The following NANOS3 variants were observed in gnomAD, a reference collection of about 807,000 sequenced individuals.
NANOS3 encodes nanos homolog 3.
Under a neutral mutation model 13.8 loss-of-function variants are expected in NANOS3, and 11 were observed. That is an observed-to-expected ratio of 0.80 (90% confidence interval 0.50 to 1.32). The LOEUF is 1.32. Ranked by LOEUF, NANOS3 falls within the 40% of genes most tolerant of loss-of-function variation. The pLI is 0.00. For synonymous variants in NANOS3, 119 were observed against 115.4 expected (o/e 1.03, Z -0.20); for missense variants, 221 against 263.8 (o/e 0.84, Z 1.12).
At chr19:13,873,176 G>T (rs886118558), upstream of NANOS3, among the ~76,000 whole-genome samples, 1 of 152,088 alleles carries the variant, frequency 6.6e-6, no homozygotes, top group African/African-American at 2.4e-5. Flanking sequence ...GGGTTTTAGA[G>T]GGAGTGTGTT....
At chr19:13,865,845 C>T (rs528983512) in intron 1 of NANOS3, among the ~76,000 whole-genome samples, 1,928 of 99,268 alleles carry the variant, frequency 0.019, 43 homozygotes, top group African/African-American at 0.067. Flanking sequence ...GGCCACGGGC[C>T]GGGGCGGCGG....
upstream of NANOS3, among the ~76,000 whole-genome samples, chr19:13,863,768 G>A (rs1389244551): frequency 6.6e-6 from 1 of 152,118 alleles, no homozygotes; most frequent in East Asian, 1.9e-4. Flanking sequence ...TCGGGGGAGT[G>A]GTCCTGGAGA....
upstream of NANOS3, among the ~76,000 whole-genome samples, chr19:13,873,307 G>C (rs1031392405): frequency 6.7e-6 from 1 of 150,100 alleles, no homozygotes; most frequent in Admixed American, 6.6e-5. Flanking sequence ...GCGCGTCCTC[G>C]GGGGCTCGGC....
At chr19:13,871,724 C>T (rs1203534213) in intron 1 of NANOS3, among the ~76,000 whole-genome samples, 2 of 152,318 alleles carry the variant, frequency 1.3e-5, no homozygotes, top group South Asian at 4.1e-4. Context: ...AAGAAAGATT[C>T]CTGTGGGACG....
intron 1 of NANOS3, among the ~76,000 whole-genome samples, chr19:13,866,502 A>C (rs1293013071): frequency 6.6e-6 from 1 of 152,192 alleles, no homozygotes; most frequent in Non-Finnish European, 1.5e-5. Context: ...ACGCAGTCGA[A>C]AGTGATGCTG....
chr19:13,862,695 C>CGCGT (rs1976176476), upstream of NANOS3, among the ~76,000 whole-genome samples: 1 of 152,138 alleles, frequency 6.6e-6, no homozygotes, highest in Non-Finnish European at 1.5e-5. Context: ...CGTGCCACCA[C>CGCGT]GCCCGGCTAA....
At chr19:13,867,255 A>T (rs969861350) in intron 1 of NANOS3, among the ~76,000 whole-genome samples, 1 of 151,380 alleles carries the variant, frequency 6.6e-6, no homozygotes, top group African/African-American at 2.4e-5. Flanking sequence ...TTTCCTTTTT[A>T]TTTTTTTGAG....
upstream of NANOS3, chr19:13,865,399 G>C (rs1396444804): frequency 6.8e-6 from 1 of 147,224 alleles, no homozygotes; most frequent in African/African-American, 2.4e-5. Flanking sequence ...GCGGGTTTTG[G>C]AAAGAAGAGG....
chr19:13,874,827 C>T (rs1349257334), upstream of NANOS3: 2 of 530,534 alleles, frequency 3.8e-6, no homozygotes, highest in Admixed American at 1.9e-5. Context: ...TGACTCTGAC[C>T]TTCCAGATCT....
chr19:13,877,351 G>A lies in NANOS3; in HGVS notation c.103G>A (p.Glu35Lys). The A allele has an allele frequency of 6.2e-7, 1 of 1,612,582 alleles. No homozygotes were observed. The highest frequency in any genetic ancestry group is 1.7e-5 in the Admixed American group (1 of 60,026). The change falls in exon 1 of 2, where the codon GAG becomes AAG. Residue 35 changes from glutamate to lysine, a missense_variant. Glu to Lys is a moderately conservative substitution (Grantham distance 56). Coordinates refer to ENST00000339133, the MANE Select transcript of NANOS3 (RefSeq NM_001098622.3). Reference protein sequence around the residue: ...GPETRLSPQPEPEPMLEPVSA... With the variant: ...GPETRLSPQPKPEPMLEPVSA... Reference sequence around the variant, plus strand: ...TGAAACCAGGCTGAGCCCCCAGCCAGAGCCAGAGCCAATGCTGGAGCCGGT... The same window carrying A: ...TGAAACCAGGCTGAGCCCCCAGCCAAAGCCAGAGCCAATGCTGGAGCCGGT...
At position 13,877,686 on chromosome 19, in the gene NANOS3, G is replaced by C. The variant is rs76006648; in HGVS notation, c.438G>C (p.Ser146=). The C allele has an allele frequency of 1.2e-5, 20 of 1,611,310 alleles. No individual in the cohort carries two copies. In the East Asian group the frequency reaches 4.5e-4, roughly 36 times the overall value. ...TCTACAGCCACACCACCCGAAACTCGGCAGGCAAGAAGCTGGTCCGGCCTG... is the reference window on the plus strand; with the variant it reads ...TCTACAGCCACACCACCCGAAACTCCGCAGGCAAGAAGCTGGTCCGGCCTG... ...TSVYSHTTRN[S]AGKKLVRPDK... The change falls in exon 1 of 2, where the codon TCG becomes TCC. Residue 146 remains serine, a synonymous_variant. Transcript: ENST00000339133.
chr19:13,863,207 C>T (rs749412591), upstream of NANOS3, among the ~76,000 whole-genome samples: 1 of 152,024 alleles, frequency 6.6e-6, no homozygotes, highest in Non-Finnish European at 1.5e-5. Flanking sequence ...GAACTCTTTC[C>T]CCAATACGCT....
At chr19:13,865,230 A>G (rs1164708422), upstream of NANOS3, among the ~76,000 whole-genome samples, 34 of 143,828 alleles carry the variant, frequency 2.4e-4, no homozygotes, top group Admixed American at 1.8e-3. Flanking sequence ...CGAGACAGAC[A>G]GGCGGGCGGG....
chr19:13,880,204 C>T (rs988042108), intron 1 of NANOS3, among the ~76,000 whole-genome samples: 2 of 152,260 alleles, frequency 1.3e-5, no homozygotes, highest in Non-Finnish European at 2.9e-5. Context: ...CCCCAGAGCA[C>T]GGCGGCCACG....
upstream of NANOS3, among the ~76,000 whole-genome samples, chr19:13,873,334 C>T (rs566894303): frequency 1.4e-3 from 207 of 150,440 alleles, 1 homozygote; most frequent in African/African-American, 4.8e-3. Flanking sequence ...CCGTTGCCAC[C>T]ACCGTGAGGG....
chr19:13,865,162 C>G (rs1330071010), upstream of NANOS3, among the ~76,000 whole-genome samples: 1 of 151,374 alleles, frequency 6.6e-6, no homozygotes, highest in Non-Finnish European at 1.5e-5. Flanking sequence ...ACCCACCGCC[C>G]GGCGCGGCGC....
intron 1 of NANOS3, among the ~76,000 whole-genome samples, chr19:13,867,794 T>C (rs1976264772): frequency 6.6e-6 from 1 of 151,948 alleles, no homozygotes; most frequent in Non-Finnish European, 1.5e-5. Flanking sequence ...AAATGGATCC[T>C]CTTAGCCACC....
At chr19:13,872,344 CAAAA>C (rs34571178), upstream of NANOS3, among the ~76,000 whole-genome samples, 124 of 121,708 alleles carry the variant, frequency 1.0e-3, 1 homozygote, top group African/African-American at 3.4e-3. Context: ...GACTCCATCT[CAAAA>C]AAAAAAAAAA....
chr19:13,880,475 C>T lies in NANOS3; in HGVS notation c.551C>T (p.Pro184Leu). Residue 184 changes from proline to leucine, a missense_variant, in exon 2 of 2, where the codon CCC (proline) becomes CTC (leucine). Pro to Leu is a moderately conservative substitution (Grantham distance 98, BLOSUM62 -3). Coordinates refer to ENST00000339133, the MANE Select transcript of NANOS3 (RefSeq NM_001098622.3). Reference sequence around the variant, plus strand: ...GGTGCCGGGAAGTCTGAGCCTTCGCCCTCCTGCTCTCCCTCCATGTCCACC... The same window carrying T: ...GGTGCCGGGAAGTCTGAGCCTTCGCTCTCCTGCTCTCCCTCCATGTCCACC... ...FRGAGKSEPS[P>L]SCSPSMST 1 of 1,613,976 alleles carries T rather than the reference C, an allele frequency of 6.2e-7. No individual in the cohort carries two copies.
Sources: allele counts gnomAD v4.1 joint callset (sites outside exome capture counted in the v4.1 genomes callset), GRCh38; gene constraint gnomAD v4.1.1; transcripts MANE v1.5; gene names NCBI Gene and HGNC (gene_info 2026-07-23, HGNC 2026-07-21).